Variants in CDK14 observed in about 807,000 individuals in gnomAD.
The protein encoded by CDK14 is cyclin dependent kinase 14.
CDK14 carries 34 observed loss-of-function variants against 60.7 expected under a neutral mutation model. The ratio of observed to expected loss-of-function variants is 0.56; its 90% confidence interval spans 0.43 to 0.75. The LOEUF (loss-of-function observed/expected upper bound fraction) is 0.75. Ranked by LOEUF, CDK14 falls within the 30% of genes least tolerant of loss-of-function variation. The pLI is 0.00. For missense variants in CDK14, 482 were observed against 564.1 expected (o/e 0.85, Z 1.47); for synonymous variants, 197 against 203.7 (o/e 0.97, Z 0.28).
intron 2 of CDK14, among the ~76,000 whole-genome samples, chr7:90,703,613 G>A (rs1563050412): frequency 6.6e-6 from 1 of 152,180 alleles, no homozygotes; most frequent in Non-Finnish European, 1.5e-5. Flanking sequence ...TTGAATTAAT[G>A]AGGAAGCAAA....
At position 91,210,501 on chromosome 7, in the gene CDK14, T is replaced by G. The variant is rs2116045610; in HGVS notation, c.*3365T>G. 1 of 152,442 alleles carries G rather than the reference T, an allele frequency of 6.6e-6. No homozygotes were observed. The highest frequency in any genetic ancestry group is 2.1e-4 in the South Asian group (1 of 4,830). 9.4% of individuals were successfully genotyped at this position (152,442 alleles called of 1,614,324 possible). On this transcript the variant is annotated 3_prime_UTR_variant, in exon 15 of 15. Transcript: ENST00000380050. Reference sequence around the variant, plus strand: ...CATATTTGTTACCAGTTGTAATTTGTCTGTATTATGAAAGATGTAATGGTT... The same window carrying G: ...CATATTTGTTACCAGTTGTAATTTGGCTGTATTATGAAAGATGTAATGGTT...
chr7:90,688,655 A>G (rs918550536), intron 2 of CDK14, among the ~76,000 whole-genome samples: 1 of 152,154 alleles, frequency 6.6e-6, no homozygotes, highest in African/African-American at 2.4e-5. Flanking sequence ...ATTCCGTGAC[A>G]TATTTAAAGT....
rs1379857522 is a variant in CDK14, at chr7:91,209,556, T to G, written c.*2420T>G. The G allele has an allele frequency of 2.6e-5, 4 of 152,566 alleles. No individual in the cohort carries two copies. Among genetic ancestry groups the G allele is most frequent in the African/African-American group, 9.7e-5 (4 of 41,424 alleles). The allele number at this position is 152,566 out of a possible 1,614,324, so 9.5% of individuals were successfully genotyped here. On this transcript the variant is annotated 3_prime_UTR_variant, in exon 15 of 15. Coordinates refer to ENST00000380050, the MANE Select transcript of CDK14 (RefSeq NM_001287135.2). ...TGAAAATCAATTCAGACTGTGTTGATTAGCAGATTTATTATTCTATTGAGA... is the reference window on the plus strand; with the variant it reads ...TGAAAATCAATTCAGACTGTGTTGAGTAGCAGATTTATTATTCTATTGAGA...
At chr7:90,930,208 A>C (rs2191315) in intron 8 of CDK14, among the ~76,000 whole-genome samples, 1 of 151,812 alleles carries the variant, frequency 6.6e-6, no homozygotes, top group Non-Finnish European at 1.5e-5. Flanking sequence ...AAATATGCAT[A>C]AATGAAGGAG....
intron 4 of CDK14, among the ~76,000 whole-genome samples, chr7:90,780,189 T>C (rs548088190): frequency 6.6e-6 from 1 of 152,278 alleles, no homozygotes; most frequent in Non-Finnish European, 1.5e-5. Context: ...CCGTCTTCAT[T>C]TGTTACATGC....
At chr7:90,719,092 G>C (rs1026413071) in intron 2 of CDK14, among the ~76,000 whole-genome samples, 8 of 152,014 alleles carry the variant, frequency 5.3e-5, no homozygotes, top group African/African-American at 1.7e-4. Flanking sequence ...AGGCCCTCCT[G>C]GGGTATTGGA....
At chr7:90,812,894 C>A (rs1453992519) in intron 5 of CDK14, among the ~76,000 whole-genome samples, 2 of 151,974 alleles carry the variant, frequency 1.3e-5, no homozygotes, top group Non-Finnish European at 2.9e-5. Context: ...ATCATATGAC[C>A]CAGTGACTTC....
At chr7:91,037,031 A>G (rs1324192247) in intron 10 of CDK14, among the ~76,000 whole-genome samples, 1 of 152,266 alleles carries the variant, frequency 6.6e-6, no homozygotes, top group Non-Finnish European at 1.5e-5. Context: ...GACTTCTAGT[A>G]GGTGATCTTA....
At chr7:90,749,982 T>C (rs1803755336) in intron 4 of CDK14, among the ~76,000 whole-genome samples, 1 of 152,084 alleles carries the variant, frequency 6.6e-6, no homozygotes. Context: ...TTGGCTGCAG[T>C]AGGTTCTTAC....
intron 2 of CDK14, among the ~76,000 whole-genome samples, chr7:90,637,879 C>T (rs1266780501): frequency 6.7e-6 from 1 of 150,260 alleles, no homozygotes; most frequent in Non-Finnish European, 1.5e-5. Flanking sequence ...ATCCGTTTAC[C>T]ATTATGTAAT....
chr7:90,793,102 A>G (rs1355564751), intron 5 of CDK14, among the ~76,000 whole-genome samples: 4 of 144,678 alleles, frequency 2.8e-5, no homozygotes, highest in South Asian at 4.5e-4. Flanking sequence ...TCCACTCTGT[A>G]TATAATCTTA....
At chr7:90,835,352 T>C (rs1584027594) in intron 5 of CDK14, among the ~76,000 whole-genome samples, 1 of 152,012 alleles carries the variant, frequency 6.6e-6, no homozygotes, top group Non-Finnish European at 1.5e-5. Flanking sequence ...AAGATGGTGC[T>C]CTAGGGTATG....
chr7:90,836,495 C>G (rs948731111), intron 5 of CDK14, among the ~76,000 whole-genome samples: 3 of 152,138 alleles, frequency 2.0e-5, no homozygotes, highest in Admixed American at 2.0e-4. Flanking sequence ...ACTTCAGGAG[C>G]AATAACATGC....
intron 12 of CDK14, among the ~76,000 whole-genome samples, chr7:91,106,527 GTAA>G (rs900875301): frequency 1.1e-4 from 17 of 152,074 alleles, no homozygotes; most frequent in South Asian, 8.3e-4. Context: ...AACAGTAACA[GTAA>G]TAATAATAAT....
At chr7:90,708,801 C>T (rs113238357) in intron 2 of CDK14, among the ~76,000 whole-genome samples, 24 of 152,286 alleles carry the variant, frequency 1.6e-4, no homozygotes, top group African/African-American at 4.6e-4. Context: ...GGTTAGATTT[C>T]ATGCCTTTTT....
chr7:91,085,378 A>G (rs563401819), intron 12 of CDK14, among the ~76,000 whole-genome samples: 104 of 152,234 alleles, frequency 6.8e-4, no homozygotes, highest in African/African-American at 2.4e-3. Flanking sequence ...TCACATAGCC[A>G]CCTTCTCCAT....
chr7:90,969,725 T>C (rs538097690), intron 9 of CDK14, among the ~76,000 whole-genome samples: 1 of 152,344 alleles, frequency 6.6e-6, no homozygotes, highest in Admixed American at 6.5e-5. Flanking sequence ...CCTTTCATTG[T>C]TCCATAATAC....
chr7:90,935,030 G>A (rs1440431074), intron 8 of CDK14, among the ~76,000 whole-genome samples: 1 of 152,232 alleles, frequency 6.6e-6, no homozygotes, highest in African/African-American at 2.4e-5. Flanking sequence ...CCTGGAAGCT[G>A]ACATGTCCAA....
intron 2 of CDK14, among the ~76,000 whole-genome samples, chr7:90,612,771 CAAAAAAAAA>C (rs531162992): frequency 1.1e-5 from 1 of 91,744 alleles, no homozygotes; most frequent in Non-Finnish European, 2.1e-5. Flanking sequence ...GACTCTGTCT[CAAAAAAAAA>C]AAAAAAAAAA....
Sources: allele counts gnomAD v4.1 joint callset (sites outside exome capture counted in the v4.1 genomes callset), GRCh38; gene constraint gnomAD v4.1.1; transcripts MANE v1.5; gene names NCBI Gene and HGNC (gene_info 2026-07-23, HGNC 2026-07-21).